SNTG1: variants seen among roughly 807,000 people sequenced by gnomAD.
SNTG1 encodes gamma-1-syntrophin.
A neutral mutation model predicts 74.7 loss-of-function variants in SNTG1; 39 were observed. The ratio of observed to expected loss-of-function variants is 0.52; its 90% CI spans 0.40 to 0.68. The LOEUF (loss-of-function observed/expected upper bound fraction) is 0.68. Among genes scored for constraint, SNTG1 ranks in the 30% least tolerant of loss-of-function variants. SNTG1 has a pLI of 0.00. For synonymous variants in SNTG1, 254 were observed against 217.1 expected, an observed-to-expected ratio of 1.17 and a Z score of -1.49; for missense variants, 685 against 609.5, an observed-to-expected ratio of 1.12 and a Z score of -1.30.
chr8:50,559,480 G>A (rs562992350), intron 12 of SNTG1, among the ~76,000 whole-genome samples: 1 of 152,084 alleles, frequency 6.6e-6, no homozygotes, highest in Admixed American at 6.5e-5. Context: ...ACTAGAGCAG[G>A]TTGAACAAAT....
chr8:50,205,414 G>T (rs895602893), intron 2 of SNTG1, among the ~76,000 whole-genome samples: 1 of 152,082 alleles, frequency 6.6e-6, no homozygotes, highest in Non-Finnish European at 1.5e-5. Flanking sequence ...TTTTTGATGG[G>T]GTTGTTTGAT....
At chr8:50,279,540 G>A (rs1225906057) in intron 2 of SNTG1, among the ~76,000 whole-genome samples, 1 of 152,104 alleles carries the variant, frequency 6.6e-6, no homozygotes, top group East Asian at 1.9e-4. Flanking sequence ...ATGTGTTTAT[G>A]TGCATTTTTA....
chr8:50,509,487 A>G (rs1196791516), intron 9 of SNTG1, among the ~76,000 whole-genome samples: 1 of 152,142 alleles, frequency 6.6e-6, no homozygotes, highest in Non-Finnish European at 1.5e-5. Flanking sequence ...ATGGCATTGA[A>G]TCTATAAATT....
chr8:50,112,570 T>A (rs1010500218), intron 1 of SNTG1, among the ~76,000 whole-genome samples: 3 of 130,136 alleles, frequency 2.3e-5, no homozygotes, highest in Non-Finnish European at 4.7e-5. Flanking sequence ...TCACCCAGGC[T>A]GGAGTGCAGT....
chr8:50,742,411 C>T (rs1316989304), intron 17 of SNTG1, among the ~76,000 whole-genome samples: 1 of 151,804 alleles, frequency 6.6e-6, no homozygotes, highest in African/African-American at 2.4e-5. Context: ...CAACACACTC[C>T]TAACTGTCAA....
intron 15 of SNTG1, among the ~76,000 whole-genome samples, chr8:50,691,549 T>G (rs1223044722): frequency 6.6e-6 from 1 of 152,236 alleles, no homozygotes; most frequent in Non-Finnish European, 1.5e-5. Context: ...TTGAAAATTC[T>G]TTTCTTTAAG....
intron 8 of SNTG1, among the ~76,000 whole-genome samples, chr8:50,461,444 G>C (rs371497224): frequency 1.8e-4 from 28 of 152,190 alleles, no homozygotes; most frequent in African/African-American, 6.5e-4. Flanking sequence ...GTTGAAAACT[G>C]TGCTTTACTG....
At chr8:50,671,845 C>T (rs1028235879) in intron 15 of SNTG1, among the ~76,000 whole-genome samples, 2 of 151,698 alleles carry the variant, frequency 1.3e-5, no homozygotes, top group African/African-American at 2.4e-5. Context: ...ACATATACAC[C>T]ATGGAATATT....
intron 13 of SNTG1, among the ~76,000 whole-genome samples, chr8:50,627,852 A>C (rs1389731570): frequency 6.6e-6 from 1 of 152,198 alleles, no homozygotes; most frequent in Admixed American, 6.5e-5. Flanking sequence ...ACGTTCAGCT[A>C]TCTGGAAGCC....
chr8:50,058,401 C>A (rs1462490519), intron 1 of SNTG1, among the ~76,000 whole-genome samples: 1 of 152,104 alleles, frequency 6.6e-6, no homozygotes, highest in Non-Finnish European at 1.5e-5. Context: ...AAACCACACA[C>A]CTTATCTAAG....
intron 12 of SNTG1, among the ~76,000 whole-genome samples, chr8:50,570,503 C>G (rs1040989798): frequency 6.7e-6 from 1 of 149,168 alleles, no homozygotes; most frequent in Non-Finnish European, 1.5e-5. Flanking sequence ...AGGTGATCCA[C>G]CCACCTTGGC....
At position 50,462,796 on chromosome 8, in the gene SNTG1, CTTTTTTTTTTTTTTTTT is replaced by C. The variant is rs869119447; in HGVS notation, c.363+12090_363+12106del. Among the ~76,000 whole-genome samples the C allele has an allele frequency of 5.2e-3, 301 of 57,432 alleles. 1 individual carries two copies. The highest frequency in any genetic ancestry group is 8.1e-3 in the Non-Finnish European group (224 of 27,752). The allele number at this position is 57,432 out of a possible 152,430, so 37.7% of individuals were successfully genotyped here. ...CTCAGTCGCATCTTCAGGTTCTACT[CTTTTTTTTTTTTTTTTT>C]TTTTTTTTTTTTTTTTTTTTTTGAG... On this transcript the variant is annotated intron_variant, in intron 8 of 18. Coordinates refer to ENST00000642720, the MANE Select transcript of SNTG1 (RefSeq NM_018967.5).
intron 2 of SNTG1, among the ~76,000 whole-genome samples, chr8:50,234,379 G>GT (rs2085786643): frequency 2.6e-5 from 4 of 151,666 alleles, no homozygotes; most frequent in Non-Finnish European, 5.9e-5. Context: ...GTGGGTTAGG[G>GT]GTGTGTGTGT....
chr8:50,228,335 A>G (rs2085447529), intron 2 of SNTG1, among the ~76,000 whole-genome samples: 1 of 152,024 alleles, frequency 6.6e-6, no homozygotes, highest in Admixed American at 6.6e-5. Context: ...ACTACCTTAC[A>G]AAGAAAAAAA....
chr8:49,964,646 AG>A (rs1318609406), intron 1 of SNTG1, among the ~76,000 whole-genome samples: 1 of 152,208 alleles, frequency 6.6e-6, no homozygotes, highest in African/African-American at 2.4e-5. Flanking sequence ...CCTCTGGAAC[AG>A]GTGCGTTCTA....
At chr8:50,452,203 T>C (rs1049333205) in intron 8 of SNTG1, among the ~76,000 whole-genome samples, 2 of 152,194 alleles carry the variant, frequency 1.3e-5, no homozygotes, top group African/African-American at 2.4e-5. Context: ...TAAAATCTTA[T>C]TGGAGTCATG....
intron 4 of SNTG1, among the ~76,000 whole-genome samples, chr8:50,424,054 C>T (rs968664666): frequency 2.0e-5 from 3 of 152,122 alleles, no homozygotes; most frequent in Non-Finnish European, 4.4e-5. Flanking sequence ...AAAGACCCTT[C>T]TTCCCCAGTA....
chr8:50,598,741 T>C (rs946809956), intron 13 of SNTG1, among the ~76,000 whole-genome samples: 3 of 151,992 alleles, frequency 2.0e-5, no homozygotes, highest in Non-Finnish European at 4.4e-5. Flanking sequence ...TTGGATTCCC[T>C]CCAATTTCTT....
chr8:50,360,680 G>T (rs2091932067), intron 2 of SNTG1, among the ~76,000 whole-genome samples: 1 of 152,128 alleles, frequency 6.6e-6, no homozygotes, highest in Non-Finnish European at 1.5e-5. Context: ...ATTAAAACTT[G>T]CAGGCAATTG....
Sources: allele counts gnomAD v4.1 joint callset (sites outside exome capture counted in the v4.1 genomes callset), GRCh38; gene constraint gnomAD v4.1.1; transcripts MANE v1.5; gene names NCBI Gene and HGNC (gene_info 2026-07-23, HGNC 2026-07-21).